RUNX2: variants seen among roughly 807,000 people sequenced by gnomAD.
RUNX2 encodes the protein runt-related transcription factor 2.
A neutral mutation model predicts 51.7 loss-of-function variants in RUNX2; 10 were observed. That is an observed-to-expected ratio of 0.19 (90% confidence interval 0.12 to 0.33). RUNX2 has a LOEUF of 0.33. Among genes scored for constraint, RUNX2 ranks in the 10% least tolerant of loss-of-function variants. The probability of loss-of-function intolerance (pLI) is 1.00; values close to 1 mark genes in which losing one functional copy is unlikely to be tolerated. For missense variants in RUNX2, 562 were observed against 691.3 expected, an observed-to-expected ratio of 0.81 and a Z score of 2.10; for synonymous variants, 276 against 273.6, an observed-to-expected ratio of 1.01 and a Z score of -0.09.
chr6:45,478,596 T>A lies in RUNX2; in HGVS notation c.686-13345T>A, dbSNP rs145814572. ...TCTCCTTTTTAATCAGACACTGCCT[T>A]GGTCTTTTAACTATTCCATTAAGTT... On this transcript the variant is annotated intron_variant, in intron 5 of 8. Coordinates refer to ENST00000647337, the MANE Select transcript of RUNX2 (RefSeq NM_001024630.4). 2.4e-3 allele frequency among the ~76,000 whole-genome samples: 360 copies of A among 152,274 alleles called. 4 individuals are homozygous for A. The highest frequency in any genetic ancestry group is 8.4e-3 in the African/African-American group (349 of 41,542).
chr6:45,414,919 C>A (rs1798034109), intron 2 of RUNX2, among the ~76,000 whole-genome samples: 1 of 151,944 alleles, frequency 6.6e-6, no homozygotes, highest in South Asian at 2.1e-4. Context: ...AAACACTGAC[C>A]AATTTTAGCC....
chr6:45,405,748 C>G (rs1331847582), intron 2 of RUNX2, among the ~76,000 whole-genome samples: 1 of 151,852 alleles, frequency 6.6e-6, no homozygotes, highest in East Asian at 1.9e-4. Flanking sequence ...GACTGTGCCA[C>G]TGCACTCCAG....
intron 3 of RUNX2, among the ~76,000 whole-genome samples, chr6:45,425,893 T>TACACAC (rs71792619): frequency 6.6e-6 from 1 of 150,852 alleles, no homozygotes. Context: ...AACACACACA[T>TACACAC]ACACACACAC....
intron 7 of RUNX2, among the ~76,000 whole-genome samples, chr6:45,529,828 C>CA (rs1477147260): frequency 6.6e-6 from 1 of 152,138 alleles, no homozygotes; most frequent in Non-Finnish European, 1.5e-5. Flanking sequence ...TGAATCCTGA[C>CA]AATACACATG....
intron 5 of RUNX2, among the ~76,000 whole-genome samples, chr6:45,470,870 CA>C (rs996367604): frequency 7.9e-5 from 12 of 151,978 alleles, no homozygotes; most frequent in East Asian, 3.9e-4. Context: ...TTTGTGAGGG[CA>C]AAAAAGTTTC....
chr6:45,372,587 A>G (rs1796237557), intron 2 of RUNX2, among the ~76,000 whole-genome samples: 2 of 152,198 alleles, frequency 1.3e-5, no homozygotes. Context: ...ATTCACATAA[A>G]TTGTTTCAAT....
chr6:45,540,291 T>G (rs1802178127), intron 7 of RUNX2, among the ~76,000 whole-genome samples: 1 of 152,196 alleles, frequency 6.6e-6, no homozygotes, highest in African/African-American at 2.4e-5. Flanking sequence ...ACTCTTGTTT[T>G]AAGGCCCTGC....
chr6:45,422,581 G>T lies in RUNX2; in HGVS notation c.59-12G>T. On this transcript the variant is annotated splice_polypyrimidine_tract_variant and intron_variant, in intron 2 of 8. Coordinates refer to ENST00000647337, the MANE Select transcript of RUNX2 (RefSeq NM_001024630.4). Reference sequence around the variant, plus strand: ...CGCTAACTTGTGGCTGTTGTGATGCGTATTCCCGTAGATCCGAGCACCAGC... The same window carrying T: ...CGCTAACTTGTGGCTGTTGTGATGCTTATTCCCGTAGATCCGAGCACCAGC... 1.3e-6 allele frequency: 2 copies of T among 1,595,670 alleles called. No individual in the cohort carries two copies. The highest frequency in any genetic ancestry group is 1.1e-5 in the South Asian group (1 of 88,686).
intron 2 of RUNX2, among the ~76,000 whole-genome samples, chr6:45,348,407 C>T (rs1021553628): frequency 6.6e-6 from 1 of 151,614 alleles, no homozygotes; most frequent in African/African-American, 2.4e-5. Flanking sequence ...TGGCTCACGC[C>T]TGTAATCCCA....
chr6:45,478,638 A>ATGTGTG (rs35909968), intron 5 of RUNX2, among the ~76,000 whole-genome samples: 2 of 149,448 alleles, frequency 1.3e-5, no homozygotes, highest in African/African-American at 4.9e-5. Context: ...TTGTGTGTAA[A>ATGTGTG]TGTGTGTGTG....
intron 2 of RUNX2, among the ~76,000 whole-genome samples, chr6:45,361,055 T>C (rs1410464247): frequency 6.6e-6 from 1 of 152,170 alleles, no homozygotes; most frequent in Non-Finnish European, 1.5e-5. Context: ...GGAGGGTCAC[T>C]TGTGCCTAAG....
At chr6:45,391,253 C>T (rs1797462859) in intron 2 of RUNX2, among the ~76,000 whole-genome samples, 1 of 152,136 alleles carries the variant, frequency 6.6e-6, no homozygotes, top group Non-Finnish European at 1.5e-5. Flanking sequence ...AATGGCTTGG[C>T]ACCATCCCCT....
chr6:45,417,657 A>C (rs1397554173), intron 2 of RUNX2, among the ~76,000 whole-genome samples: 1 of 152,310 alleles, frequency 6.6e-6, no homozygotes, highest in East Asian at 1.9e-4. Flanking sequence ...GTAAAAAGTC[A>C]GTAGATATTT....
intron 2 of RUNX2, among the ~76,000 whole-genome samples, chr6:45,381,116 A>G (rs530101900): frequency 3.1e-4 from 47 of 152,310 alleles, no homozygotes; most frequent in Non-Finnish European, 4.6e-4. Flanking sequence ...AATTGTTGCT[A>G]TATTTGTTTT....
chr6:45,417,504 G>A (rs761791750), intron 2 of RUNX2, among the ~76,000 whole-genome samples: 8 of 152,126 alleles, frequency 5.3e-5, no homozygotes, highest in Non-Finnish European at 1.2e-4. Flanking sequence ...TAAATGTTAC[G>A]TTGTTCACTT....
chr6:45,446,475 T>C (rs947462166), intron 5 of RUNX2, among the ~76,000 whole-genome samples: 1 of 151,518 alleles, frequency 6.6e-6, no homozygotes, highest in Non-Finnish European at 1.5e-5. Context: ...AGAAAGAGGT[T>C]CCCCTCCCCC....
intron 6 of RUNX2, among the ~76,000 whole-genome samples, chr6:45,509,172 C>T (rs1313619210): frequency 6.6e-6 from 1 of 152,152 alleles, no homozygotes; most frequent in Non-Finnish European, 1.5e-5. Flanking sequence ...GAAACACAGC[C>T]CAGGTCACAA....
At chr6:45,373,293 T>C (rs544157310) in intron 2 of RUNX2, among the ~76,000 whole-genome samples, 3 of 152,186 alleles carry the variant, frequency 2.0e-5, no homozygotes, top group Admixed American at 1.3e-4. Context: ...CCATTAACTA[T>C]GGGCCAGGTA....
At chr6:45,533,886 G>T (rs1388352512) in intron 7 of RUNX2, among the ~76,000 whole-genome samples, 1 of 135,256 alleles carries the variant, frequency 7.4e-6, no homozygotes, top group African/African-American at 2.9e-5. Context: ...CCCCTGTTGA[G>T]ACTTTTTTTT....
Sources: allele counts gnomAD v4.1 joint callset (sites outside exome capture counted in the v4.1 genomes callset), GRCh38; gene constraint gnomAD v4.1.1; transcripts MANE v1.5; gene names NCBI Gene and HGNC (gene_info 2026-07-23, HGNC 2026-07-21).